The following ADGRL4 variants were observed in gnomAD, a reference collection of about 807,000 sequenced individuals.
ADGRL4 encodes the protein adhesion G protein-coupled receptor L4.
In ADGRL4, 90 loss-of-function variants were observed where a neutral mutation model predicts 74.8. The observed-to-expected ratio is 1.20, with a 90% confidence interval of 1.02 to 1.43. The LOEUF (loss-of-function observed/expected upper bound fraction) is 1.43, where lower values mean the gene tolerates loss of function less well. Ranked by LOEUF, ADGRL4 falls within the 40% of genes most tolerant of loss-of-function variation. The pLI, the probability that ADGRL4 is intolerant of heterozygous loss-of-function variation, is 0.00. For missense variants in ADGRL4, 881 were observed against 814.3 expected (o/e 1.08, Z -1.00); for synonymous variants, 311 against 279.2 (o/e 1.11, Z -1.14).
chr1:78,908,234 T>C (rs1157186484), intron 12 of ADGRL4, among the ~76,000 whole-genome samples: 1 of 151,994 alleles, frequency 6.6e-6, no homozygotes, highest in Non-Finnish European at 1.5e-5. Flanking sequence ...GAAATCATGT[T>C]ACTTTCAGAG....
chr1:78,999,312 G>A (rs1650786550), intron 2 of ADGRL4, among the ~76,000 whole-genome samples: 1 of 152,184 alleles, frequency 6.6e-6, no homozygotes, highest in African/African-American at 2.4e-5. Flanking sequence ...AGTATTGGAA[G>A]TGCTATCTCT....
chr1:78,981,119 AACAGCCTTCTAATT>A (rs573190967), intron 2 of ADGRL4, among the ~76,000 whole-genome samples: 92 of 151,974 alleles, frequency 6.1e-4, no homozygotes, highest in African/African-American at 2.1e-3. Context: ...CTCTCTATAG[AACAGCCTTCTAATT>A]ACCACTCTGG....
intron 2 of ADGRL4, among the ~76,000 whole-genome samples, chr1:78,991,555 TAAC>T (rs1650607696): frequency 6.6e-6 from 1 of 152,014 alleles, no homozygotes; most frequent in Non-Finnish European, 1.5e-5. Context: ...ATAACTGAAA[TAAC>T]AACCTTTAAG....
chr1:78,959,715 C>T (rs1303802430), intron 2 of ADGRL4, among the ~76,000 whole-genome samples: 3 of 152,132 alleles, frequency 2.0e-5, no homozygotes, highest in Non-Finnish European at 4.4e-5. Flanking sequence ...TTTATTCTAA[C>T]ATTTTACTTT....
intron 2 of ADGRL4, among the ~76,000 whole-genome samples, chr1:78,987,575 G>A (rs1650523096): frequency 6.6e-6 from 1 of 151,702 alleles, no homozygotes; most frequent in Non-Finnish European, 1.5e-5. Context: ...ACAATGTCTA[G>A]TCAGTGCTGA....
At chr1:78,946,132 G>A (rs1649595545) in intron 3 of ADGRL4, 142 bp downstream of exon 3, 2 of 496,240 alleles carry the variant, frequency 4.0e-6, no homozygotes, top group South Asian at 5.8e-5. Context: ...GAGAAATAAG[G>A]ACATTAATTA....
At chr1:79,005,241 A>G in intron 1 of ADGRL4, 22 bp from the exon 2 acceptor site, 1 of 1,564,626 alleles carries the variant, frequency 6.4e-7, no homozygotes. Flanking sequence ...AGAGAAATAC[A>G]CCTTTTCAAA....
chr1:78,978,248 A>C (rs1258495377), intron 2 of ADGRL4, among the ~76,000 whole-genome samples: 2 of 151,942 alleles, frequency 1.3e-5, no homozygotes, highest in African/African-American at 4.8e-5. Context: ...GTCATGTCCC[A>C]GATTTCTGCA....
At chr1:78,957,566 T>C (rs1392032259) in intron 2 of ADGRL4, among the ~76,000 whole-genome samples, 1 of 152,200 alleles carries the variant, frequency 6.6e-6, no homozygotes, top group Non-Finnish European at 1.5e-5. Flanking sequence ...AGAATAAGAC[T>C]GTAACTCCCA....
At chr1:78,894,189 T>C (rs1207816558) in intron 12 of ADGRL4, among the ~76,000 whole-genome samples, 1 of 151,868 alleles carries the variant, frequency 6.6e-6, no homozygotes, top group Non-Finnish European at 1.5e-5. Context: ...AAACATTTCT[T>C]TTTTCTATCT....
At chr1:78,956,065 C>G (rs1377888624) in intron 2 of ADGRL4, among the ~76,000 whole-genome samples, 1 of 152,104 alleles carries the variant, frequency 6.6e-6, no homozygotes, top group African/African-American at 2.4e-5. Context: ...ATGATACACT[C>G]CTTCCATAAT....
At chr1:78,912,892 CAA>C (rs1648793325) in intron 12 of ADGRL4, among the ~76,000 whole-genome samples, 1 of 151,550 alleles carries the variant, frequency 6.6e-6, no homozygotes, top group Non-Finnish European at 1.5e-5. Context: ...ATGCATCTGA[CAA>C]AAGTCTAATT....
In ADGRL4 at chr1:78,973,960, T is replaced by G. The variant is rs146037303; in HGVS notation, c.173-27534A>C. On this transcript the variant is annotated intron_variant, in intron 2 of 14. Transcript: ENST00000370742. Reference sequence around the variant, plus strand: ...TGGATTTCATTATTGAGAATATATTTATAGCAATCTTTAGATGAAAATATA... The same window carrying G: ...TGGATTTCATTATTGAGAATATATTGATAGCAATCTTTAGATGAAAATATA... Among the ~76,000 whole-genome samples the G allele has an allele frequency of 3.7e-3, 569 of 152,210 alleles. 6 individuals are homozygous for G. Among genetic ancestry groups the G allele is most frequent in the African/African-American group, 0.013 (544 of 41,536 alleles).
intron 2 of ADGRL4, among the ~76,000 whole-genome samples, chr1:79,002,527 G>A (rs1054723725): frequency 2.0e-5 from 3 of 152,092 alleles, no homozygotes; most frequent in African/African-American, 4.8e-5. Flanking sequence ...TTATTCTGTT[G>A]ACAAAGAAGA....
intron 12 of ADGRL4, among the ~76,000 whole-genome samples, chr1:78,909,738 A>C (rs1235796832): frequency 6.6e-6 from 1 of 151,900 alleles, no homozygotes; most frequent in Admixed American, 6.6e-5. Context: ...GTTTTGAAGG[A>C]CAATTTGTAA....
chr1:78,932,332 A>G (rs923054562), intron 7 of ADGRL4, among the ~76,000 whole-genome samples: 1 of 151,490 alleles, frequency 6.6e-6, no homozygotes, highest in Non-Finnish European at 1.5e-5. Flanking sequence ...ATCCTGGGTA[A>G]ATAATGAAAT....
rs545357284 is a variant in ADGRL4 at position 78,909,948 on chromosome 1, G to C, written c.1749+7686C>G. On this transcript the variant is annotated intron_variant, in intron 12 of 14. Coordinates refer to ENST00000370742, the MANE Select transcript of ADGRL4 (RefSeq NM_022159.4). The stretch of plus-strand genomic sequence containing the variant: ...ATTAGCACATAGTCATAATATACAT[G>C]ATAAAAAGAGGGTAGAACTGTATAT... Among the ~76,000 whole-genome samples the C allele has an allele frequency of 2.0e-5, 3 of 151,848 alleles. 1 individual carries two copies. Among genetic ancestry groups the C allele is most frequent in the Admixed American group, 6.6e-5 (1 of 15,184 alleles).
At chr1:78,979,586 GAC>G (rs1225613634) in intron 2 of ADGRL4, among the ~76,000 whole-genome samples, 1 of 151,876 alleles carries the variant, frequency 6.6e-6, no homozygotes. Context: ...ATATGAAAAA[GAC>G]ACACGCACAC....
intron 2 of ADGRL4, among the ~76,000 whole-genome samples, chr1:79,003,737 G>A (rs1293714218): frequency 6.6e-6 from 1 of 151,930 alleles, no homozygotes; most frequent in African/African-American, 2.4e-5. Context: ...GGTAATGCTG[G>A]TTATGAAGTA....
Sources: allele counts gnomAD v4.1 joint callset (sites outside exome capture counted in the v4.1 genomes callset), GRCh38; gene constraint gnomAD v4.1.1; transcripts MANE v1.5; gene names NCBI Gene and HGNC (gene_info 2026-07-23, HGNC 2026-07-21).